The following KCTD19 variants were observed in gnomAD, a reference collection of about 807,000 sequenced individuals.
KCTD19 encodes the protein BTB/POZ domain-containing protein KCTD19.
In KCTD19, 67 loss-of-function variants were observed where a neutral mutation model predicts 103.5. The observed-to-expected ratio is 0.65, with a 90% confidence interval of 0.53 to 0.79. The LOEUF (loss-of-function observed/expected upper bound fraction) is 0.79, where lower values mean the gene tolerates loss of function less well. Among genes scored for constraint, KCTD19 ranks in the 30% least tolerant of loss-of-function variants. The probability of loss-of-function intolerance (pLI) is 0.00; values close to 1 mark genes in which losing one functional copy is unlikely to be tolerated. For missense variants in KCTD19, 980 were observed against 1,136.1 expected (o/e 0.86, Z 1.98); for synonymous variants, 439 against 452.2 (o/e 0.97, Z 0.37).
Position 67,296,186 on chromosome 16 carries a change from G to C in KCTD19, c.1221C>G (p.Tyr407Ter), listed in dbSNP as rs201286450. 3 of 1,612,648 alleles carry C rather than the reference G, an allele frequency of 1.9e-6. No individual in the cohort carries two copies. Among genetic ancestry groups the C allele is most frequent in the Non-Finnish European group, 1.7e-6 (2 of 1,178,652 alleles). ...TCAGCAGTGTCTGCAGGGTGGTTGC[G>C]TACCAGTGGCTTCCAACATACACTT... ...IIKVYVGSHW[Y>*]ATTLQTLLKY... Residue 407 changes from tyrosine (Y) to a stop codon, truncating the protein, a stop_gained, in exon 8 of 16, where the codon TAC (tyrosine) becomes TAG (stop). Coordinates refer to ENST00000304372, the MANE Select transcript of KCTD19 (RefSeq NM_001100915.3). LOFTEE classifies it high-confidence loss of function.
rs1446156414 is a variant in KCTD19 at position 67,304,511 on chromosome 16, C to G, written c.361G>C (p.Val121Leu). ...TAGTTCAGAGATGCTCTCTCAGCAA[C>G]AGGTAGGTCTGCAGGCCGTACGCGT... Reference protein sequence around the residue: ...HLRVRPADLPVAERASLNYWR... With the variant: ...HLRVRPADLPLAERASLNYWR... The change falls in exon 3 of 16, where the codon GTT becomes CTT. Residue 121 changes from valine (V) to leucine (L), a missense_variant. Val to Leu is a conservative substitution (Grantham distance 32, BLOSUM62 1). Coordinates refer to ENST00000304372, the MANE Select transcript of KCTD19 (RefSeq NM_001100915.3). 40 of 1,613,882 alleles carry G rather than the reference C, an allele frequency of 2.5e-5. No individual in the cohort carries two copies. In the East Asian group the frequency reaches 8.7e-4, roughly 35 times the overall value.
chr16:67,314,073 T>C (rs1597398798), intron 2 of KCTD19, among the ~76,000 whole-genome samples: 2 of 152,034 alleles, frequency 1.3e-5, no homozygotes, highest in East Asian at 3.9e-4. Flanking sequence ...CCCAGGCTGG[T>C]ATCCAACTCC....
intron 2 of KCTD19, among the ~76,000 whole-genome samples, chr16:67,312,976 T>C (rs1597398454): frequency 6.6e-6 from 1 of 152,204 alleles, no homozygotes; most frequent in African/African-American, 2.4e-5. Flanking sequence ...TAGGCTTTGC[T>C]TTGCTAGCCA....
chr16:67,303,162 G>A lies in KCTD19; in HGVS notation c.627C>T (p.Ser209=), dbSNP rs755940431. 8.7e-6 allele frequency: 14 copies of A among 1,608,348 alleles called. No homozygotes were observed. The highest frequency in any genetic ancestry group is 6.8e-5 in the African/African-American group (5 of 73,028). Residue 209 remains serine (S), a synonymous_variant, in exon 4 of 16, where the codon AGC becomes AGT. Coordinates refer to ENST00000304372, the MANE Select transcript of KCTD19 (RefSeq NM_001100915.3). This position sits in a 1 kb window ranked among gnomAD's most constrained non-coding sequence, Gnocchi z 4.3. ...AGCAATCACCAATGAAGCGGAACTCGCTGCACTCGCACTCGATGAGGGCCA... is the reference window on the plus strand; with the variant it reads ...AGCAATCACCAATGAAGCGGAACTCACTGCACTCGCACTCGATGAGGGCCA... The part of the protein sequence containing the change: ...ETVALIECEC[S]EFRFIVNFLR...
Position 67,299,423 on chromosome 16 carries a change from CTCT to C in KCTD19, c.923_925del (p.Glu308_Ser309delinsGly). ...GTACAGTCGGCTTCCGTCTAGCGTG[CTCT>C]CGATGCGAAGCTGGCCCAGCGCAGA... On this transcript the variant is annotated inframe_deletion, in exon 6 of 16. Transcript: ENST00000304372. 6.2e-7 allele frequency: 1 copy of C among 1,614,276 alleles called. No homozygotes were observed. Among genetic ancestry groups the C allele is most frequent in the Admixed American group, 1.7e-5 (1 of 60,034 alleles).
At position 67,289,764 on chromosome 16, in the gene KCTD19, G is replaced by A. The variant is rs2036652720; in HGVS notation, c.2668-82C>T. 10 of 1,032,882 alleles carry A rather than the reference G, an allele frequency of 9.7e-6. No individual in the cohort carries two copies. The South Asian group carries it at 1.1e-4, about 11-fold the overall frequency. 64.0% of individuals were successfully genotyped at this position (1,032,882 alleles called of 1,614,324 possible). ...CCATGTGGGTGGGGTTCTCCCATTG[G>A]GGCAGGGACAGGGCAAGCCCGGCTG... On this transcript the variant is annotated intron_variant, in intron 15 of 15. Coordinates refer to ENST00000304372, the MANE Select transcript of KCTD19 (RefSeq NM_001100915.3).
chr16:67,317,702 C>A (rs1309591445), intron 2 of KCTD19, among the ~76,000 whole-genome samples: 1 of 151,960 alleles, frequency 6.6e-6, no homozygotes, highest in Non-Finnish European at 1.5e-5. Context: ...TCATCTGTTT[C>A]TTTTTACTGT....
chr16:67,295,892 G>A (rs913576147), intron 8 of KCTD19: 23 of 416,972 alleles, frequency 5.5e-5, no homozygotes, highest in East Asian at 9.2e-5. Flanking sequence ...TTACAGGCAC[G>A]TGCCATCACA....
At position 67,326,637 on chromosome 16, in the gene KCTD19, C is replaced by G. The variant is rs757492442; in HGVS notation, c.3+68G>C. Reference sequence around the variant, plus strand: ...GGTCTCGAACCACTTAGCCCCAATCCTTGGCCACAGCGGCCCCCATTCGCC... The same window carrying G: ...GGTCTCGAACCACTTAGCCCCAATCGTTGGCCACAGCGGCCCCCATTCGCC... On this transcript the variant is annotated intron_variant, in intron 1 of 15. Coordinates refer to ENST00000304372, the MANE Select transcript of KCTD19 (RefSeq NM_001100915.3). 12 of 1,548,446 alleles carry G rather than the reference C, an allele frequency of 7.7e-6. No homozygotes were observed. The Admixed American group carries it at 2.3e-4, about 29-fold the overall frequency.
Position 67,293,400 on chromosome 16 carries a change from GTGTC to G in KCTD19, c.2218+140_2218+143del, listed in dbSNP as rs766996636. 1.2e-4 allele frequency: 109 copies of G among 888,100 alleles called. No individual in the cohort carries two copies. The highest frequency in any genetic ancestry group is 1.7e-4 in the Non-Finnish European group (97 of 573,648). 55.0% of individuals were successfully genotyped at this position (888,100 alleles called of 1,614,324 possible). ...CCATGCCAATGTGCCAGTCATTTCT[GTGTC>G]TGCTGCCTGGCACAGAGATGGCATT... On this transcript the variant is annotated intron_variant, in intron 12 of 15. Transcript: ENST00000304372. The surrounding 1 kb of genome is among the most constrained non-coding windows in gnomAD (Gnocchi z 4.0).
In KCTD19 at chr16:67,326,725, CG is replaced by C. The variant is rs772628132; in HGVS notation, c.-19del. 111 of 1,569,280 alleles carry C rather than the reference CG, an allele frequency of 7.1e-5. No individual in the cohort carries two copies. Among genetic ancestry groups the C allele is most frequent in the Admixed American group, 3.6e-4 (20 of 56,010 alleles). On this transcript the variant is annotated 5_prime_UTR_variant, in exon 1 of 16. Transcript: ENST00000304372. ...CGTACCATGGTCGCGGCTCCAGCAG[CG>C]GGCGGGCGGGCTTGTGACCCGGCCA...
In KCTD19 at chr16:67,299,558, GTCGGGGAACAGCCAC is replaced by G; in HGVS notation, c.776_790del (p.Gly259_Thr264delinsAla). ...CCCGGGGCTCAGGGGAGAACAGGTG[GTCGGGGAACAGCCAC>G]CTGTGTCAGAGAGAAAGGGGTGACT... On this transcript the variant is annotated inframe_deletion and splice_region_variant, in exon 6 of 16. Transcript: ENST00000304372. The G allele has an allele frequency of 6.2e-7, 1 of 1,612,544 alleles. No individual in the cohort carries two copies. The highest frequency in any genetic ancestry group is 1.1e-5 in the South Asian group (1 of 91,086).
intron 7 of KCTD19, among the ~76,000 whole-genome samples, chr16:67,296,994 A>T (rs2036772139): frequency 6.6e-6 from 1 of 152,236 alleles, no homozygotes; most frequent in Non-Finnish European, 1.5e-5. Context: ...ATGCTGCTAA[A>T]TGATAGTAAT....
intron 14 of KCTD19, 123 bp downstream of exon 14, chr16:67,291,186 C>A: frequency 7.8e-7 from 1 of 1,283,788 alleles, no homozygotes. Flanking sequence ...CTCTTCTGGC[C>A]CTGGCCTTCT....
rs1022731355 is a variant in KCTD19, at chr16:67,293,071, C to T, written c.2218+473G>A. ...TGATGGGCACACCTGACCCCGTGCT[C>T]TTGTCTAAAATCCTTCAGACGCTGC... is the stretch of plus-strand genomic sequence containing the variant. On this transcript the variant is annotated intron_variant, in intron 12 of 15. Transcript: ENST00000304372. This position sits in a 1 kb window ranked among gnomAD's most constrained non-coding sequence, Gnocchi z 4.0. 2.6e-5 allele frequency among the ~76,000 whole-genome samples: 4 copies of T among 152,214 alleles called. No individual in the cohort carries two copies. Among genetic ancestry groups the T allele is most frequent in the Non-Finnish European group, 5.9e-5 (4 of 68,042 alleles).
At position 67,303,762 on chromosome 16, in the gene KCTD19, G is replaced by T. The variant is rs937808392; in HGVS notation, c.452-425C>A. 1.5e-4 allele frequency among the ~76,000 whole-genome samples: 23 copies of T among 152,182 alleles called. No homozygotes were observed. Among genetic ancestry groups the T allele is most frequent in the Middle Eastern group, 3.4e-3 (1 of 294 alleles). On this transcript the variant is annotated intron_variant, in intron 3 of 15. Coordinates refer to ENST00000304372, the MANE Select transcript of KCTD19 (RefSeq NM_001100915.3). This position sits in a 1 kb window ranked among gnomAD's most constrained non-coding sequence, Gnocchi z 4.3. ...GGGGTTTCACCATGTTGTCAGGCTG[G>T]TCTCGAACTCCTGACCTCACGTGAT...
chr16:67,319,155 G>A (rs780045768), intron 2 of KCTD19, among the ~76,000 whole-genome samples: 6 of 151,888 alleles, frequency 4.0e-5, no homozygotes, highest in Admixed American at 6.6e-5. Context: ...CCTGGGAGGC[G>A]GAGGTTGCAG....
At chr16:67,298,920 G>T (rs1749107274) in intron 6 of KCTD19, among the ~76,000 whole-genome samples, 1 of 152,218 alleles carries the variant, frequency 6.6e-6, no homozygotes, top group Non-Finnish European at 1.5e-5. Context: ...AGCCTGGCCT[G>T]GCCTGGCCTG....
intron 2 of KCTD19, among the ~76,000 whole-genome samples, chr16:67,310,622 A>G (rs1452405436): frequency 2.6e-5 from 4 of 152,200 alleles, no homozygotes; most frequent in Non-Finnish European, 5.9e-5. Context: ...TGGTGAAAAA[A>G]TATGTCAATC....
Sources: allele counts gnomAD v4.1 joint callset (sites outside exome capture counted in the v4.1 genomes callset), GRCh38; gene constraint gnomAD v4.1.1; non-coding constraint Gnocchi (gnomAD v3.1); transcripts MANE v1.5; gene names NCBI Gene and HGNC (gene_info 2026-07-23, HGNC 2026-07-21).